The following THOC1 variants were observed in gnomAD, a reference collection of about 807,000 sequenced individuals.
THOC1 encodes THO complex subunit 1, also known as THO complex 1.
THOC1 carries 29 observed loss-of-function variants against 97.3 expected under a neutral mutation model. The ratio of observed to expected loss-of-function variants is 0.30; its 90% CI spans 0.22 to 0.41. The LOEUF is 0.41. Among genes scored for constraint, THOC1 ranks in the 10% least tolerant of loss-of-function variants. The pLI, the probability that THOC1 is intolerant of heterozygous loss-of-function variation, is 1.00. For synonymous variants in THOC1, 255 were observed against 257.0 expected, an observed-to-expected ratio of 0.99 and a Z score of 0.07; for missense variants, 529 against 761.9, an observed-to-expected ratio of 0.69 and a Z score of 3.60.
Position 224,941 on chromosome 18 carries a change from TG to T in THOC1, c.1190del (p.Pro397GlnfsTer4). On this transcript the variant is annotated frameshift_variant, in exon 15 of 21. Transcript: ENST00000261600. LOFTEE classifies it high-confidence loss of function. Reference sequence around the variant, plus strand: ...GTATTTACCTTTCTTTCACAAAACTTGGGCAACCTTCATTTTTCCACGAGTT... The same window carrying T: ...GTATTTACCTTTCTTTCACAAAACTTGGCAACCTTCATTTTTCCACGAGTT... ...NWNSWKNEGC[P>X]SFVKERTSDT... The T allele has an allele frequency of 6.4e-7, 1 of 1,573,828 alleles. No homozygotes were observed. Among genetic ancestry groups the T allele is most frequent in the South Asian group, 1.2e-5 (1 of 86,052 alleles).
chr18:263,944 G>C, intron 4 of THOC1, 82 bp downstream of exon 4: 3 of 1,051,510 alleles, frequency 2.9e-6, no homozygotes, highest in Non-Finnish European at 4.2e-6. Context: ...GATAGGTGGA[G>C]AAGTATGGGG....
intron 11 of THOC1, among the ~76,000 whole-genome samples, chr18:234,413 T>C (rs368519812): frequency 3.9e-5 from 6 of 152,364 alleles, no homozygotes; most frequent in African/African-American, 1.4e-4. Context: ...ATGTTTGCAA[T>C]AGGGTTTTTA....
chr18:228,290 T>C (rs1911366264), intron 11 of THOC1, among the ~76,000 whole-genome samples: 1 of 152,182 alleles, frequency 6.6e-6, no homozygotes, highest in African/African-American at 2.4e-5. Flanking sequence ...TCTCGCTCAG[T>C]TGCTTCCAAT....
chr18:267,833 G>C (rs1912829864), intron 1 of THOC1, 133 bp downstream of exon 1: 2 of 934,222 alleles, frequency 2.1e-6, no homozygotes, highest in Non-Finnish European at 3.1e-6. Context: ...ACCTCCGACG[G>C]GGCCCGGAGC....
At chr18:251,771 G>A (rs1912286976) in intron 9 of THOC1, among the ~76,000 whole-genome samples, 2 of 152,224 alleles carry the variant, frequency 1.3e-5, no homozygotes, top group African/African-American at 4.8e-5. Flanking sequence ...ATGGCGTCCT[G>A]TACAGGGTTG....
At chr18:235,472 T>C (rs1911648883) in intron 11 of THOC1, among the ~76,000 whole-genome samples, 1 of 152,174 alleles carries the variant, frequency 6.6e-6, no homozygotes. Flanking sequence ...CATATGAAGC[T>C]TTAACTGTCC....
At chr18:228,591 CTA>C (rs1911378176) in intron 11 of THOC1, among the ~76,000 whole-genome samples, 2 of 152,138 alleles carry the variant, frequency 1.3e-5, no homozygotes, top group Non-Finnish European at 2.9e-5. Context: ...GGCCTATAGG[CTA>C]TAGTCTGCCA....
intron 18 of THOC1, among the ~76,000 whole-genome samples, chr18:216,897 C>T (rs555055802): frequency 2.0e-5 from 3 of 152,300 alleles, no homozygotes; most frequent in South Asian, 2.1e-4. Flanking sequence ...TCAAAGTTTC[C>T]GTTCATTTTG....
At position 260,313 on chromosome 18, in the gene THOC1, G is replaced by T. The variant is rs1472469722; in HGVS notation, c.257-9C>A. ...AGATGCGGTACAAATACCTTCAAGT[G>T]GAGCACAAGCCAATTTAAAAGTTTA... On this transcript the variant is annotated splice_polypyrimidine_tract_variant and intron_variant, in intron 4 of 20. Transcript: ENST00000261600. 1 of 1,485,932 alleles carries T rather than the reference G, an allele frequency of 6.7e-7. No individual in the cohort carries two copies. Among genetic ancestry groups the T allele is most frequent in the Non-Finnish European group, 9.0e-7 (1 of 1,115,056 alleles). 92.0% of individuals were successfully genotyped at this position (1,485,932 alleles called of 1,614,324 possible). A position where few individuals can be genotyped will look rare whatever the true frequency, so the allele number is the denominator to read the frequency against.
intron 7 of THOC1, among the ~76,000 whole-genome samples, chr18:258,912 G>A (rs1912517346): frequency 6.6e-6 from 1 of 152,066 alleles, no homozygotes; most frequent in Non-Finnish European, 1.5e-5. Context: ...ATACGGATAT[G>A]ATGGTTCATA....
At chr18:266,539 A>T (rs969091601) in intron 1 of THOC1, among the ~76,000 whole-genome samples, 24 of 136,132 alleles carry the variant, frequency 1.8e-4, no homozygotes, top group African/African-American at 6.4e-4. Context: ...GGCTAGTATG[A>T]TTTTTTTTTT....
At chr18:217,537 T>C (rs1037715132) in intron 18 of THOC1, among the ~76,000 whole-genome samples, 1 of 152,232 alleles carries the variant, frequency 6.6e-6, no homozygotes, top group African/African-American at 2.4e-5. Context: ...ACAAACACTT[T>C]TGAGCCAGGC....
At chr18:259,069 T>C (rs919660853) in intron 7 of THOC1, 111 bp downstream of exon 7, 1 of 748,428 alleles carries the variant, frequency 1.3e-6, no homozygotes, top group Non-Finnish European at 2.2e-6. Context: ...ATTTCTATGA[T>C]GTCTTTCAAC....
At chr18:236,454 C>A (rs2143212843) in intron 11 of THOC1, among the ~76,000 whole-genome samples, 1 of 148,046 alleles carries the variant, frequency 6.8e-6, no homozygotes, top group East Asian at 2.0e-4. Flanking sequence ...CTCCCGGGTT[C>A]ACGCCATTCT....
At chr18:267,542 A>T (rs1401164462) in intron 1 of THOC1, among the ~76,000 whole-genome samples, 1 of 152,214 alleles carries the variant, frequency 6.6e-6, no homozygotes, top group Non-Finnish European at 1.5e-5. Flanking sequence ...CGGCGGGAAC[A>T]AGCACTTGGT....
At chr18:247,816 T>A (rs374305197) in intron 10 of THOC1, 33 bp downstream of exon 10, 435 of 1,296,462 alleles carry the variant, frequency 3.4e-4, no homozygotes, top group Middle Eastern at 2.6e-3. Context: ...TATAAAATAC[T>A]GGGCTTCTGA....
intron 11 of THOC1, among the ~76,000 whole-genome samples, chr18:232,754 T>C (rs1349603027): frequency 6.6e-6 from 1 of 151,896 alleles, no homozygotes; most frequent in African/African-American, 2.4e-5. Flanking sequence ...AATACTAGTA[T>C]TGTTAGGCTT....
chr18:265,639 C>T (rs930645496), intron 1 of THOC1, 109 bp from the exon 2 acceptor site: 1 of 836,774 alleles, frequency 1.2e-6, no homozygotes. Flanking sequence ...ATGCTTATAC[C>T]TGGGAAAAAT....
chr18:247,821 T>C (rs756372088), intron 10 of THOC1, 28 bp downstream of exon 10: 1 of 1,368,138 alleles, frequency 7.3e-7, no homozygotes, highest in Non-Finnish European at 1.0e-6. Context: ...AATACTGGGC[T>C]TCTGATAGTC....
Sources: gnomAD v4.1 joint callset for allele counts (sites outside exome capture counted in the v4.1 genomes callset) on GRCh38, gnomAD v4.1.1 for gene constraint, MANE v1.5 for transcripts, NCBI Gene and HGNC (gene_info 2026-07-23, HGNC 2026-07-21) for gene names.